SGCD: variants seen among roughly 807,000 people sequenced by gnomAD.
SGCD encodes sarcoglycan delta, also known as delta-sarcoglycan.
Under a neutral mutation model 36.6 loss-of-function variants are expected in SGCD, and 18 were observed. That is an observed-to-expected ratio of 0.49 (90% CI 0.34 to 0.73). The LOEUF (loss-of-function observed/expected upper bound fraction) is 0.73. Among genes scored for constraint, SGCD ranks in the 30% least tolerant of loss-of-function variants. The pLI is 0.01. For missense variants in SGCD, 387 were observed against 346.7 expected (o/e 1.12, Z -0.92); for synonymous variants, 133 against 130.6 (o/e 1.02, Z -0.12).
chr5:156,702,917 T>TA (rs1481082734), intron 7 of SGCD, among the ~76,000 whole-genome samples: 1 of 152,222 alleles, frequency 6.6e-6, no homozygotes, highest in African/African-American at 2.4e-5. Context: ...TGAAAATTAC[T>TA]ATCTCCCTCC....
At chr5:156,705,895 G>C (rs1294393558) in intron 7 of SGCD, among the ~76,000 whole-genome samples, 1 of 151,992 alleles carries the variant, frequency 6.6e-6, no homozygotes, top group African/African-American at 2.4e-5. Flanking sequence ...CTTGTCCTTC[G>C]CTACTATTTT....
intron 3 of SGCD, among the ~76,000 whole-genome samples, chr5:156,215,451 A>T (rs1403030920): frequency 1.3e-5 from 2 of 152,142 alleles, no homozygotes; most frequent in Non-Finnish European, 2.9e-5. Context: ...ATTAATATTC[A>T]AACTATGTAA....
intron 3 of SGCD, among the ~76,000 whole-genome samples, chr5:156,378,377 C>G (rs1770789526): frequency 6.6e-6 from 1 of 152,132 alleles, no homozygotes; most frequent in African/African-American, 2.4e-5. Context: ...TACAGAGTTT[C>G]AGTTTTGCAG....
intron 7 of SGCD, among the ~76,000 whole-genome samples, chr5:156,680,488 G>A (rs576489233): frequency 1.1e-3 from 164 of 152,216 alleles, no homozygotes; most frequent in African/African-American, 3.6e-3. Context: ...ATATCATTAC[G>A]TAAGAAAATC....
chr5:156,067,682 C>A (rs1221680354), intron 1 of SGCD, among the ~76,000 whole-genome samples: 4 of 119,152 alleles, frequency 3.4e-5, no homozygotes, highest in Non-Finnish European at 6.4e-5. Context: ...GCGCAATATT[C>A]GGGTGGGAGT....
intron 8 of SGCD, 156 bp downstream of exon 8, chr5:156,757,860 A>G: frequency 7.6e-7 from 1 of 1,321,582 alleles, no homozygotes. Flanking sequence ...CAGCATGATT[A>G]TAAGCCAAAC....
chr5:155,764,711 C>A, the SGCD span, among the ~76,000 whole-genome samples: 1 of 152,184 alleles, frequency 6.6e-6, no homozygotes, highest in East Asian at 1.9e-4. Context: ...TTCATGGGGA[C>A]AGTACATGGA....
At chr5:156,294,082 T>C (rs1316691730) in intron 3 of SGCD, among the ~76,000 whole-genome samples, 1 of 152,190 alleles carries the variant, frequency 6.6e-6, no homozygotes, top group East Asian at 1.9e-4. Context: ...TATTTTATTC[T>C]TTTGATGCTA....
intron 3 of SGCD, among the ~76,000 whole-genome samples, chr5:156,362,333 G>T (rs891693549): frequency 6.6e-6 from 1 of 152,234 alleles, no homozygotes; most frequent in Non-Finnish European, 1.5e-5. Flanking sequence ...AATAAAGGTT[G>T]AGTGTTCAAA....
chr5:156,445,920 G>A (rs1348067175), intron 3 of SGCD, among the ~76,000 whole-genome samples: 1 of 151,966 alleles, frequency 6.6e-6, no homozygotes, highest in African/African-American at 2.4e-5. Flanking sequence ...AAATGTCAGG[G>A]GAATATGTAC....
chr5:155,811,107 G>A, the SGCD span, among the ~76,000 whole-genome samples: 3 of 151,990 alleles, frequency 2.0e-5, no homozygotes, highest in Non-Finnish European at 2.9e-5. Flanking sequence ...GTGAGCCACC[G>A]CGCCCGGCCT....
At chr5:156,695,271 T>C (rs1186906274) in intron 7 of SGCD, among the ~76,000 whole-genome samples, 1 of 152,038 alleles carries the variant, frequency 6.6e-6, no homozygotes, top group Non-Finnish European at 1.5e-5. Context: ...ACATTTTAAA[T>C]GGTAGACTTT....
Position 156,392,869 on chromosome 5 carries a change from G to A in SGCD, c.192+48192G>A, listed in dbSNP as rs955141579. ...TGGTGCCTGTCAGTGCATTCCTCTC[G>A]ACATCCAGCCACCCATGTGCTCCTC... On this transcript the variant is annotated intron_variant, in intron 3 of 8. Coordinates refer to ENST00000337851, the MANE Select transcript of SGCD (RefSeq NM_000337.6). Among the ~76,000 whole-genome samples the A allele has an allele frequency of 4.6e-5, 7 of 152,166 alleles. No individual in the cohort carries two copies. In the East Asian group the frequency reaches 5.8e-4, roughly 13 times the overall value.
At position 156,317,475 on chromosome 5, in the gene SGCD, G is replaced by A. The variant is rs569190943; in HGVS notation, c.-43-12059G>A. On this transcript the variant is annotated intron_variant, in intron 3 of 9. Coordinates refer to the SGCD transcript ENST00000517913. ...ACTTCTACAAATCACAAACATGATC[G>A]CAATTTCAAAAGTTTTGCCTTACAC... Among the ~76,000 whole-genome samples the A allele has an allele frequency of 2.0e-5, 3 of 152,150 alleles. 1 individual carries two copies. The highest frequency in any genetic ancestry group is 1.3e-4 in the Admixed American group (2 of 15,284).
At chr5:156,582,351 T>C (rs577339283) in intron 4 of SGCD, among the ~76,000 whole-genome samples, 16 of 152,338 alleles carry the variant, frequency 1.1e-4, no homozygotes, top group Admixed American at 1.3e-4. Flanking sequence ...CTAGTACCTT[T>C]TGTACTGCTC....
chr5:155,878,754 A>G (rs1459727280), intron 1 of SGCD, among the ~76,000 whole-genome samples: 2 of 152,138 alleles, frequency 1.3e-5, no homozygotes, highest in African/African-American at 4.8e-5. Context: ...GTTAACCCAT[A>G]TAACATCGTT....
intron 3 of SGCD, among the ~76,000 whole-genome samples, chr5:156,371,720 C>A (rs1413288054): frequency 6.6e-6 from 1 of 152,144 alleles, no homozygotes; most frequent in African/African-American, 2.4e-5. Context: ...TTGAGTTGTC[C>A]ATTAGACTTG....
rs574458656 is a variant in SGCD at position 156,235,663 on chromosome 5, C to A, written c.-43-93871C>A. Among the ~76,000 whole-genome samples the A allele has an allele frequency of 3.3e-5, 5 of 152,060 alleles. No individual in the cohort carries two copies. The East Asian group carries it at 7.7e-4, about 23-fold the overall frequency. ...GATGCTTTTTGGTCTGTCTTCTAATCGAAACTACTGTAATTACATACTTTA... is the reference window on the plus strand; with the variant it reads ...GATGCTTTTTGGTCTGTCTTCTAATAGAAACTACTGTAATTACATACTTTA... On this transcript the variant is annotated intron_variant, in intron 3 of 9. Transcript: ENST00000517913.
rs139101796 is a variant in SGCD at position 156,271,256 on chromosome 5, A to G, written c.-43-58278A>G. Reference sequence around the variant, plus strand: ...CTGATCTGCCCTAAAACACCATGGCATATAGATCTTAGATTCCATGGTCTT... The same window carrying G: ...CTGATCTGCCCTAAAACACCATGGCGTATAGATCTTAGATTCCATGGTCTT... On this transcript the variant is annotated intron_variant, in intron 3 of 9. Transcript: ENST00000517913. Among the ~76,000 whole-genome samples, 121 of 152,334 alleles carry G rather than the reference A, an allele frequency of 7.9e-4. No individual in the cohort carries two copies. The Middle Eastern group carries it at 0.02, about 26-fold the overall frequency.
Sources: gnomAD v4.1 joint callset for allele counts (sites outside exome capture counted in the v4.1 genomes callset) on GRCh38, gnomAD v4.1.1 for gene constraint, MANE v1.5 for transcripts, NCBI Gene and HGNC (gene_info 2026-07-23, HGNC 2026-07-21) for gene names.